The following LINGO2 variants were observed in gnomAD, a reference collection of about 807,000 sequenced individuals.
LINGO2 encodes leucine-rich repeat and immunoglobulin-like domain-containing nogo receptor-interacting protein 2.
Under a neutral mutation model 30.6 loss-of-function variants are expected in LINGO2, and 14 were observed. The observed-to-expected ratio is 0.46, with a 90% CI of 0.30 to 0.72. The LOEUF (loss-of-function observed/expected upper bound fraction) is 0.72. Among genes scored for constraint, LINGO2 ranks in the 30% least tolerant of loss-of-function variants. LINGO2 has a pLI of 0.07. For missense variants in LINGO2, 729 were observed against 751.7 expected (o/e 0.97, Z 0.35); for synonymous variants, 317 against 288.5 (o/e 1.10, Z -1.00).
the LINGO2 span, among the ~76,000 whole-genome samples, chr9:28,797,367 G>T: frequency 1.2e-3 from 145 of 124,608 alleles, no homozygotes; most frequent in Admixed American, 3.8e-3. Context: ...TATAGAGAGA[G>T]AGAGAGAGAG....
chr9:29,032,248 G>C, the LINGO2 span, among the ~76,000 whole-genome samples: 5 of 152,150 alleles, frequency 3.3e-5, no homozygotes, highest in African/African-American at 4.8e-5. Flanking sequence ...ACAAAGGAAA[G>C]TCAAGTGTTT....
At chr9:29,041,023 T>C in the LINGO2 span, among the ~76,000 whole-genome samples, 1 of 152,164 alleles carries the variant, frequency 6.6e-6, no homozygotes, top group African/African-American at 2.4e-5. Flanking sequence ...AATTTAAGCA[T>C]ATTTTCTATT....
At chr9:28,167,093 C>A (rs1355339888) in intron 4 of LINGO2, among the ~76,000 whole-genome samples, 1 of 151,214 alleles carries the variant, frequency 6.6e-6, no homozygotes, top group African/African-American at 2.4e-5. Flanking sequence ...GGAAGAGCCT[C>A]AAGGGAATGT....
chr9:28,826,825 A>G, the LINGO2 span, among the ~76,000 whole-genome samples: 1 of 152,190 alleles, frequency 6.6e-6, no homozygotes, highest in African/African-American at 2.4e-5. Flanking sequence ...TAGCTGCACG[A>G]TTGCAGTAAA....
intron 1 of LINGO2, among the ~76,000 whole-genome samples, chr9:28,638,630 A>G (rs2135921769): frequency 6.6e-6 from 1 of 152,096 alleles, no homozygotes; most frequent in Non-Finnish European, 1.5e-5. Flanking sequence ...GTATTCTCTG[A>G]TGGTAGTTTG....
the LINGO2 span, among the ~76,000 whole-genome samples, chr9:29,179,703 C>T: frequency 1.1e-4 from 17 of 152,168 alleles, no homozygotes; most frequent in Non-Finnish European, 1.9e-4. Context: ...CCGTGCCTGG[C>T]CCATGAGCAC....
chr9:28,920,442 C>T, the LINGO2 span, among the ~76,000 whole-genome samples: 1 of 152,096 alleles, frequency 6.6e-6, no homozygotes, highest in African/African-American at 2.4e-5. Flanking sequence ...CCTTATGTCA[C>T]ATTCCCTCAG....
At chr9:28,333,134 T>C (rs980038803) in intron 3 of LINGO2, among the ~76,000 whole-genome samples, 1 of 152,216 alleles carries the variant, frequency 6.6e-6, no homozygotes, top group Non-Finnish European at 1.5e-5. Context: ...AGAAGCTTTC[T>C]AACAAGTTGT....
At chr9:27,949,507 G>A in exon 6 of LINGO2, 4 of 1,614,080 alleles carry the variant, frequency 2.5e-6, no homozygotes, top group Non-Finnish European at 3.4e-6. Flanking sequence ...GACCTCTCAC[G>A]GATGGTGTCT....
exon 6 of LINGO2, chr9:27,950,406 C>T (rs1374410279): frequency 6.2e-7 from 1 of 1,614,154 alleles, no homozygotes; most frequent in Non-Finnish European, 8.5e-7. Flanking sequence ...GATGTTGTCA[C>T]TCAAGTCTAT....
At chr9:28,041,496 G>C (rs1198237532) in intron 4 of LINGO2, among the ~76,000 whole-genome samples, 1 of 152,152 alleles carries the variant, frequency 6.6e-6, no homozygotes, top group African/African-American at 2.4e-5. Context: ...ATGTGTGCGT[G>C]TGTAGTTAAG....
rs36216761 is a variant in LINGO2, at chr9:27,999,436, C to CAGAGAGAGAGAGAGAG, written c.-36+12903_-36+12918dup. On this transcript the variant is annotated intron_variant, in intron 5 of 5. Transcript: ENST00000379992. Reference sequence around the variant, plus strand: ...CGACTTAATCACAGTGCCTAATCTTCAGAGAGAGAGAGAGAGAGAGAGAGA... The same window carrying CAGAGAGAGAGAGAGAG: ...CGACTTAATCACAGTGCCTAATCTTCAGAGAGAGAGAGAGAGAGAGAGAGAGAGAGAGAGAGAGAGA... Among the ~76,000 whole-genome samples, 244 of 143,748 alleles carry CAGAGAGAGAGAGAGAG rather than the reference C, an allele frequency of 1.7e-3. 1 individual carries two copies. The highest frequency in any genetic ancestry group is 5.3e-3 in the South Asian group (22 of 4,150). 94.3% of individuals were successfully genotyped at this position (143,748 alleles called of 152,430 possible). A position where few individuals can be genotyped will look rare whatever the true frequency, so the allele number is the denominator to read the frequency against.
chr9:28,256,961 T>C (rs934057283), intron 4 of LINGO2, among the ~76,000 whole-genome samples: 4 of 151,894 alleles, frequency 2.6e-5, no homozygotes, highest in African/African-American at 9.7e-5. Context: ...CCTTTAAATC[T>C]ATTGTGAGGA....
At chr9:28,951,791 C>T in the LINGO2 span, among the ~76,000 whole-genome samples, 43 of 152,242 alleles carry the variant, frequency 2.8e-4, no homozygotes, top group African/African-American at 9.9e-4. Context: ...TGTATAACTT[C>T]AGGGGCCTCT....
chr9:28,834,524 T>G, the LINGO2 span, among the ~76,000 whole-genome samples: 1 of 152,176 alleles, frequency 6.6e-6, no homozygotes, highest in African/African-American at 2.4e-5. Context: ...AAAAATAATT[T>G]TAAGCATTTT....
At chr9:28,126,165 A>G (rs1025141578) in intron 4 of LINGO2, among the ~76,000 whole-genome samples, 7 of 152,204 alleles carry the variant, frequency 4.6e-5, no homozygotes, top group Admixed American at 4.6e-4. Flanking sequence ...ATGTGATATC[A>G]TATTCTGTGC....
At chr9:27,973,576 G>A (rs1183343252) in intron 5 of LINGO2, among the ~76,000 whole-genome samples, 1 of 152,184 alleles carries the variant, frequency 6.6e-6, no homozygotes, top group African/African-American at 2.4e-5. Context: ...AACAGGAAAG[G>A]AAAAGAAGCC....
At chr9:29,125,263 G>A in the LINGO2 span, among the ~76,000 whole-genome samples, 1 of 152,026 alleles carries the variant, frequency 6.6e-6, no homozygotes, top group Non-Finnish European at 1.5e-5. Flanking sequence ...CTTGTCAGGG[G>A]CTGGAGTCAA....
At chr9:28,990,108 C>A in the LINGO2 span, among the ~76,000 whole-genome samples, 1 of 152,178 alleles carries the variant, frequency 6.6e-6, no homozygotes, top group African/African-American at 2.4e-5. Context: ...CACTGGGAAG[C>A]GCAAGGGGTC....
Sources: gnomAD v4.1 joint callset for allele counts (sites outside exome capture counted in the v4.1 genomes callset) on GRCh38, gnomAD v4.1.1 for gene constraint, MANE v1.5 for transcripts, NCBI Gene and HGNC (gene_info 2026-07-23, HGNC 2026-07-21) for gene names.